The following NSG2 variants were observed in gnomAD, a reference collection of about 807,000 sequenced individuals.
NSG2 encodes the protein neuronal vesicle trafficking-associated protein 2.
Under a neutral mutation model 16.9 loss-of-function variants are expected in NSG2, and 4 were observed. The ratio of observed to expected loss-of-function variants is 0.24; its 90% CI spans 0.12 to 0.54. The LOEUF is 0.54. Among genes scored for constraint, NSG2 ranks in the 20% least tolerant of loss-of-function variants. The pLI, the probability that NSG2 is intolerant of heterozygous loss-of-function variation, is 0.95. For synonymous variants in NSG2, 98 were observed against 88.7 expected, an observed-to-expected ratio of 1.11 and a Z score of -0.59; for missense variants, 179 against 221.1, an observed-to-expected ratio of 0.81 and a Z score of 1.21.
At chr5:174,106,617 C>T (rs1198225111) in intron 4 of NSG2, among the ~76,000 whole-genome samples, 7 of 100,400 alleles carry the variant, frequency 7.0e-5, no homozygotes, top group African/African-American at 1.2e-4. Flanking sequence ...TTTTTTGCGA[C>T]GGAGTCTCAC....
At chr5:174,051,898 CA>C (rs1759895003) in intron 2 of NSG2, among the ~76,000 whole-genome samples, 1 of 152,170 alleles carries the variant, frequency 6.6e-6, no homozygotes, top group Non-Finnish European at 1.5e-5. Context: ...GAGGAACGAT[CA>C]GGGGGCCACA....
chr5:174,063,754 A>C (rs1760094858), intron 2 of NSG2, among the ~76,000 whole-genome samples: 1 of 152,150 alleles, frequency 6.6e-6, no homozygotes, highest in South Asian at 2.1e-4. Context: ...TTATATAACC[A>C]AAACTGGAGG....
intron 2 of NSG2, among the ~76,000 whole-genome samples, chr5:174,051,698 C>T (rs1279071549): frequency 6.6e-6 from 1 of 152,198 alleles, no homozygotes; most frequent in Non-Finnish European, 1.5e-5. Context: ...ATGGAGCTTC[C>T]AGTCCAATGA....
chr5:174,078,949 A>G (rs1330140741), intron 3 of NSG2, among the ~76,000 whole-genome samples: 1 of 152,224 alleles, frequency 6.6e-6, no homozygotes, highest in Non-Finnish European at 1.5e-5. Flanking sequence ...ACACACGCAC[A>G]CACACACATG....
intron 3 of NSG2, among the ~76,000 whole-genome samples, chr5:174,074,160 C>T (rs1760294423): frequency 6.6e-6 from 1 of 152,172 alleles, no homozygotes; most frequent in African/African-American, 2.4e-5. Context: ...GGGTTTGATC[C>T]CATGGGTTTG....
intron 3 of NSG2, among the ~76,000 whole-genome samples, chr5:174,098,867 A>G (rs1029647994): frequency 6.6e-6 from 1 of 152,180 alleles, no homozygotes; most frequent in Non-Finnish European, 1.5e-5. Context: ...AAACCCTCCA[A>G]TGTAGCGCTG....
At chr5:174,064,423 C>A in intron 3 of NSG2, 108 bp downstream of exon 3, 1 of 599,906 alleles carries the variant, frequency 1.7e-6, no homozygotes, top group Non-Finnish European at 2.9e-6. Context: ...GGAAATGATG[C>A]AGGCTATTTC....
At chr5:174,084,778 C>A (rs1459686675) in intron 3 of NSG2, among the ~76,000 whole-genome samples, 1 of 152,216 alleles carries the variant, frequency 6.6e-6, no homozygotes, top group African/African-American at 2.4e-5. Context: ...ACAGGGGACC[C>A]AATTTGCAGC....
In NSG2 at chr5:174,060,341, C is replaced by T. The variant is rs190024073; in HGVS notation, c.130-3891C>T. Among the ~76,000 whole-genome samples the T allele has an allele frequency of 5.9e-3, 889 of 151,080 alleles. 5 individuals are homozygous for T. Among genetic ancestry groups the T allele is most frequent in the African/African-American group, 0.021 (846 of 41,208 alleles). Reference sequence around the variant, plus strand: ...GATGTTTATAAAAATAGAGAGGGAGCGAGAAAGACTAAGAAGCAAGTACTT... The same window carrying T: ...GATGTTTATAAAAATAGAGAGGGAGTGAGAAAGACTAAGAAGCAAGTACTT... On this transcript the variant is annotated intron_variant, in intron 2 of 4. Transcript: ENST00000303177.
intron 2 of NSG2, chr5:174,056,238 C>T (rs1427126695): frequency 8.6e-5 from 13 of 150,344 alleles, no homozygotes; most frequent in South Asian, 2.1e-4. Context: ...GTCATTTCTG[C>T]TCTCTGGGAC....
intron 3 of NSG2, among the ~76,000 whole-genome samples, chr5:174,068,281 A>G (rs1323888592): frequency 3.9e-5 from 6 of 152,232 alleles, no homozygotes; most frequent in Non-Finnish European, 7.3e-5. Flanking sequence ...AGAGATGAAT[A>G]GAGAAAGATG....
chr5:174,058,913 C>A (rs1021120720), intron 2 of NSG2, among the ~76,000 whole-genome samples: 3 of 152,220 alleles, frequency 2.0e-5, no homozygotes, highest in African/African-American at 7.2e-5. Context: ...TGGTATCAGG[C>A]ACCTGCCTGT....
intron 2 of NSG2, among the ~76,000 whole-genome samples, chr5:174,054,605 C>G (rs535765093): frequency 6.6e-6 from 1 of 152,316 alleles, no homozygotes; most frequent in South Asian, 2.1e-4. Flanking sequence ...TCTCAAACTT[C>G]TGGCCTCAAC....
chr5:174,099,080 G>A (rs953440110), intron 3 of NSG2, among the ~76,000 whole-genome samples: 1 of 152,160 alleles, frequency 6.6e-6, no homozygotes, highest in African/African-American at 2.4e-5. Flanking sequence ...ACCCGGCATG[G>A]CGGGAGCTTT....
At chr5:174,053,284 T>C (rs1024468521) in intron 2 of NSG2, among the ~76,000 whole-genome samples, 1 of 152,146 alleles carries the variant, frequency 6.6e-6, no homozygotes, top group Non-Finnish European at 1.5e-5. Flanking sequence ...AGAGCACAGA[T>C]AGGGTTTCCT....
At chr5:174,092,147 G>C (rs1760730716) in intron 3 of NSG2, among the ~76,000 whole-genome samples, 1 of 152,214 alleles carries the variant, frequency 6.6e-6, no homozygotes, top group Admixed American at 6.5e-5. Flanking sequence ...CAGAATCTAT[G>C]TGTACTCAGG....
chr5:174,087,389 A>C (rs1760644587), intron 3 of NSG2, among the ~76,000 whole-genome samples: 1 of 152,158 alleles, frequency 6.6e-6, no homozygotes. Context: ...GTTTCCTTAT[A>C]GGCAGGTGAC....
intron 3 of NSG2, among the ~76,000 whole-genome samples, chr5:174,069,670 G>A (rs1266730345): frequency 6.6e-6 from 1 of 151,612 alleles, no homozygotes; most frequent in Non-Finnish European, 1.5e-5. Flanking sequence ...TGTGTTCTTA[G>A]CTTCCTGTCT....
At chr5:174,075,837 T>G (rs1158637868) in intron 3 of NSG2, among the ~76,000 whole-genome samples, 1 of 152,208 alleles carries the variant, frequency 6.6e-6, no homozygotes, top group Non-Finnish European at 1.5e-5. Flanking sequence ...ATGTTGCCAG[T>G]AGGTTCTATA....
Sources: gnomAD v4.1 joint callset for allele counts (sites outside exome capture counted in the v4.1 genomes callset) on GRCh38, gnomAD v4.1.1 for gene constraint, MANE v1.5 for transcripts, NCBI Gene and HGNC (gene_info 2026-07-23, HGNC 2026-07-21) for gene names.